The following CHD1 variants were observed in gnomAD, a reference collection of about 807,000 sequenced individuals.
CHD1 encodes the protein chromodomain helicase DNA binding protein 1, also known as ATP-dependent chromatin remodeler CHD1.
Under a neutral mutation model 224.2 loss-of-function variants are expected in CHD1, and 36 were observed. The observed-to-expected ratio is 0.16, with a 90% CI of 0.12 to 0.21. The LOEUF (loss-of-function observed/expected upper bound fraction) is 0.21, where lower values mean the gene tolerates loss of function less well. CHD1 is among the 10% of genes least tolerant of loss of function. CHD1 has a pLI of 1.00. For synonymous variants in CHD1, 668 were observed against 658.3 expected (o/e 1.01, Z -0.23); for missense variants, 1,378 against 1,994.8 (o/e 0.69, Z 5.89).
chr5:98,922,757 G>A (rs1188035538), intron 2 of CHD1, among the ~76,000 whole-genome samples: 2 of 152,188 alleles, frequency 1.3e-5, no homozygotes, highest in Non-Finnish European at 2.9e-5. Flanking sequence ...GGGAGGCCAA[G>A]GCGGGCAGAT....
chr5:98,921,950 GACC>G (rs1227569302), intron 2 of CHD1, among the ~76,000 whole-genome samples: 1 of 152,076 alleles, frequency 6.6e-6, no homozygotes, highest in Non-Finnish European at 1.5e-5. Context: ...AGGAGTTCAA[GACC>G]ACCAGCCTGG....
chr5:98,873,739 C>A lies in CHD1; in HGVS notation c.3441-16G>T. Reference sequence around the variant, plus strand: ...TGCATCTAATCTGTAACAAAATAATCCAATTTTCAGGTAAATATGTTAAAT... The same window carrying A: ...TGCATCTAATCTGTAACAAAATAATACAATTTTCAGGTAAATATGTTAAAT... On this transcript the variant is annotated splice_polypyrimidine_tract_variant and intron_variant, in intron 25 of 35. Transcript: ENST00000614616. 2 of 1,590,568 alleles carry A rather than the reference C, an allele frequency of 1.3e-6. No homozygotes were observed. The highest frequency in any genetic ancestry group is 1.7e-6 in the Non-Finnish European group (2 of 1,171,862).
At chr5:98,906,414 T>C (rs1367136169) in intron 2 of CHD1, among the ~76,000 whole-genome samples, 1 of 152,214 alleles carries the variant, frequency 6.6e-6, no homozygotes, top group Non-Finnish European at 1.5e-5. Context: ...CGAGAAATTT[T>C]AGCAAGGATA....
At chr5:98,879,051 G>A (rs1162568502) in intron 23 of CHD1, among the ~76,000 whole-genome samples, 1 of 152,130 alleles carries the variant, frequency 6.6e-6, no homozygotes, top group East Asian at 1.9e-4. Flanking sequence ...GGACAACATG[G>A]TAAAACTCCA....
chr5:98,908,342 G>A (rs1752179593), intron 2 of CHD1, among the ~76,000 whole-genome samples: 1 of 152,018 alleles, frequency 6.6e-6, no homozygotes, highest in Non-Finnish European at 1.5e-5. Flanking sequence ...GTTAAATCAG[G>A]TTTACTTCCA....
At position 98,885,528 on chromosome 5, in the gene CHD1, A is replaced by G. The variant is rs1478182615; in HGVS notation, c.2568+50T>C. ...ATGTCTGAATATAATAATGTAATAT[A>G]CTGATACTAAATCAAAATTATTTAT... On this transcript the variant is annotated intron_variant, in intron 18 of 35. Transcript: ENST00000614616. 4.6e-6 allele frequency: 5 copies of G among 1,088,546 alleles called. No individual in the cohort carries two copies. In the East Asian group the frequency reaches 1.3e-4, roughly 27 times the overall value. The allele number at this position is 1,088,546 out of a possible 1,614,324, so 67.4% of individuals were successfully genotyped here.
chr5:98,909,001 TATG>T (rs1382443349), intron 2 of CHD1, among the ~76,000 whole-genome samples: 4 of 150,858 alleles, frequency 2.7e-5, no homozygotes, highest in South Asian at 2.1e-4. Context: ...AACTGAGCAA[TATG>T]ATGAATTATC....
intron 2 of CHD1, among the ~76,000 whole-genome samples, chr5:98,918,172 C>A (rs1263321191): frequency 6.6e-6 from 1 of 151,852 alleles, no homozygotes; most frequent in Admixed American, 6.6e-5. Flanking sequence ...ATTCTCCCGC[C>A]TCAGCCTCCC....
intron 2 of CHD1, among the ~76,000 whole-genome samples, chr5:98,907,426 T>C (rs948491332): frequency 1.3e-5 from 2 of 151,836 alleles, no homozygotes; most frequent in African/African-American, 4.8e-5. Context: ...TCGACTCTAC[T>C]GAAAATACAA....
chr5:98,873,244 T>C (rs562415545), intron 26 of CHD1, among the ~76,000 whole-genome samples: 2 of 152,276 alleles, frequency 1.3e-5, no homozygotes, highest in African/African-American at 4.8e-5. Context: ...TGCATTATAT[T>C]TTCCCAGTCA....
intron 2 of CHD1, among the ~76,000 whole-genome samples, chr5:98,920,731 A>C (rs1753036448): frequency 6.7e-6 from 1 of 149,382 alleles, no homozygotes; most frequent in Non-Finnish European, 1.5e-5. Flanking sequence ...CAGGAGGCGG[A>C]GGTTGCAGTG....
intron 32 of CHD1, 50 bp downstream of exon 32, chr5:98,863,357 AG>A (rs1379787079): frequency 3.8e-6 from 4 of 1,040,424 alleles, no homozygotes; most frequent in Non-Finnish European, 2.6e-6. Context: ...AAAAAAAAAA[AG>A]ACAGTTATAT....
chr5:98,878,779 T>C (rs1024062598), intron 23 of CHD1, among the ~76,000 whole-genome samples: 2 of 152,120 alleles, frequency 1.3e-5, no homozygotes, highest in African/African-American at 4.8e-5. Flanking sequence ...CAAAGATAAG[T>C]CATATGGGAA....
chr5:98,892,875 A>C (rs1313179024), intron 14 of CHD1, among the ~76,000 whole-genome samples, 162 bp from the exon 15 acceptor site: 2 of 152,174 alleles, frequency 1.3e-5, no homozygotes, highest in African/African-American at 4.8e-5. Flanking sequence ...CTCCCTCCCA[A>C]GAAGATGCAT....
chr5:98,915,684 C>G (rs1478705526), intron 2 of CHD1, among the ~76,000 whole-genome samples: 3 of 151,960 alleles, frequency 2.0e-5, no homozygotes, highest in Non-Finnish European at 4.4e-5. Flanking sequence ...AGGCAGAAGT[C>G]TAACACATAG....
intron 20 of CHD1, among the ~76,000 whole-genome samples, chr5:98,881,758 T>C (rs899961778): frequency 1.3e-5 from 2 of 152,124 alleles, no homozygotes; most frequent in Non-Finnish European, 2.9e-5. Flanking sequence ...ACTTGAAGCA[T>C]AGAAGTGAAA....
At chr5:98,872,891 T>C (rs1749463700) in intron 26 of CHD1, among the ~76,000 whole-genome samples, 1 of 152,142 alleles carries the variant, frequency 6.6e-6, no homozygotes, top group East Asian at 1.9e-4. Flanking sequence ...GGTGCAATCA[T>C]TGCTCACTGC....
rs1443035011 is a variant in CHD1, at chr5:98,899,802, A to G, written c.860-97T>C. The stretch of plus-strand genomic sequence containing the variant: ...CAATAATATGAGTACAAAAATATAT[A>G]CTCTTTTAAATAAAGTATTGGGGGT... On this transcript the variant is annotated intron_variant, in intron 7 of 35. Transcript: ENST00000614616. 7.9e-5 allele frequency: 61 copies of G among 772,372 alleles called. No homozygotes were observed. In the East Asian group the frequency reaches 1.6e-3, roughly 20 times the overall value. 47.8% of individuals were successfully genotyped at this position (772,372 alleles called of 1,614,324 possible).
intron 1 of CHD1, among the ~76,000 whole-genome samples, chr5:98,927,179 G>C (rs1249270882): frequency 6.6e-6 from 1 of 152,064 alleles, no homozygotes; most frequent in East Asian, 1.9e-4. Context: ...AAATTGAAAA[G>C]GTAATAGAAT....
Sources: allele counts gnomAD v4.1 joint callset (sites outside exome capture counted in the v4.1 genomes callset), GRCh38; gene constraint gnomAD v4.1.1; transcripts MANE v1.5; gene names NCBI Gene and HGNC (gene_info 2026-07-23, HGNC 2026-07-21).